The following DNM3 variants were observed in gnomAD, a reference collection of about 807,000 sequenced individuals.
DNM3 encodes dynamin 3.
DNM3 carries 47 observed loss-of-function variants against 101.6 expected under a neutral mutation model. The observed-to-expected ratio is 0.46, with a 90% CI of 0.37 to 0.59. The LOEUF is 0.59. DNM3 is among the 20% of genes least tolerant of loss of function. The pLI, the probability that DNM3 is intolerant of heterozygous loss-of-function variation, is 0.00. For synonymous variants in DNM3, 385 were observed against 387.9 expected, an observed-to-expected ratio of 0.99 and a Z score of 0.09; for missense variants, 849 against 1,085.7, an observed-to-expected ratio of 0.78 and a Z score of 3.06.
chr1:172,108,365 C>T (rs2055221754), intron 13 of DNM3, among the ~76,000 whole-genome samples: 1 of 151,894 alleles, frequency 6.6e-6, no homozygotes, highest in Non-Finnish European at 1.5e-5. Flanking sequence ...TTTTACTTTC[C>T]CTTGGGAGTA....
rs1158209416 is a variant in DNM3 at position 172,044,472 on chromosome 1, C to A, written c.1196+20C>A. 3.1e-6 allele frequency: 5 copies of A among 1,592,196 alleles called. No homozygotes were observed. In the Admixed American group the frequency reaches 8.7e-5, roughly 28 times the overall value. The stretch of plus-strand genomic sequence containing the variant: ...TATCAGGCAAGTGATTCACATTTTT[C>A]TTGTCATCTGTTCAAGCTACCAAAA... On this transcript the variant is annotated intron_variant, in intron 9 of 20. Transcript: ENST00000627582.
intron 4 of DNM3, among the ~76,000 whole-genome samples, chr1:172,009,844 T>C (rs2046995831): frequency 6.6e-6 from 1 of 151,842 alleles, no homozygotes; most frequent in Admixed American, 6.6e-5. Flanking sequence ...ATAGATGTAT[T>C]TTAGGTCAAG....
At chr1:172,195,086 G>A (rs1007015347) in intron 14 of DNM3, among the ~76,000 whole-genome samples, 47 of 151,984 alleles carry the variant, frequency 3.1e-4, no homozygotes, top group African/African-American at 1.0e-3. Flanking sequence ...GCATTTGTTT[G>A]TCTGTAAAGG....
At chr1:172,226,922 A>C (rs530897113) in intron 14 of DNM3, among the ~76,000 whole-genome samples, 3 of 152,090 alleles carry the variant, frequency 2.0e-5, no homozygotes, top group Admixed American at 6.6e-5. Context: ...TTTTTATTTC[A>C]ATAGCTCTGG....
Position 171,841,556 on chromosome 1 carries a change from G to T in DNM3, c.-101G>T. 6.8e-7 allele frequency: 1 copy of T among 1,466,428 alleles called. No homozygotes were observed. The highest frequency in any genetic ancestry group is 9.0e-7 in the Non-Finnish European group (1 of 1,108,314). 90.8% of individuals were successfully genotyped at this position (1,466,428 alleles called of 1,614,324 possible). A position where few individuals can be genotyped will look rare whatever the true frequency, so the allele number is the denominator to read the frequency against. Reference sequence around the variant, plus strand: ...CGTCTGCGCCAGGACCTGGCTGGCTGAGCCCGGCGCAGCAGCAGCAGCCAG... The same window carrying T: ...CGTCTGCGCCAGGACCTGGCTGGCTTAGCCCGGCGCAGCAGCAGCAGCCAG... On this transcript the variant is annotated 5_prime_UTR_variant, in exon 1 of 21. Coordinates refer to ENST00000627582, the MANE Select transcript of DNM3 (RefSeq NM_015569.5).
chr1:171,860,245 T>G (rs796707311), intron 1 of DNM3, among the ~76,000 whole-genome samples: 1 of 152,170 alleles, frequency 6.6e-6, no homozygotes, highest in African/African-American at 2.4e-5. Context: ...TTTAAAAATA[T>G]AACGAATTCA....
chr1:172,350,097 C>T (rs1326755069), intron 17 of DNM3, among the ~76,000 whole-genome samples: 1 of 151,996 alleles, frequency 6.6e-6, no homozygotes, highest in East Asian at 1.9e-4. Flanking sequence ...GTTCTTTTTT[C>T]AAATTATGCA....
At chr1:171,946,141 G>T (rs559835586) in intron 2 of DNM3, among the ~76,000 whole-genome samples, 25 of 152,248 alleles carry the variant, frequency 1.6e-4, no homozygotes, top group African/African-American at 4.8e-4. Flanking sequence ...TTCTTTGTGC[G>T]TTTCAAAGAC....
chr1:172,330,097 C>T (rs749552918), intron 17 of DNM3, among the ~76,000 whole-genome samples: 14 of 152,126 alleles, frequency 9.2e-5, no homozygotes, highest in African/African-American at 1.9e-4. Context: ...CTTGGTTAGG[C>T]GCAAACCTTA....
chr1:172,402,527 C>G, intron 20 of DNM3, among the ~76,000 whole-genome samples: 1 of 152,120 alleles, frequency 6.6e-6, no homozygotes, highest in Non-Finnish European at 1.5e-5. Flanking sequence ...AAATGTCAGT[C>G]TTTGTATATC....
At chr1:171,954,269 G>A (rs892728027) in intron 2 of DNM3, among the ~76,000 whole-genome samples, 1 of 152,072 alleles carries the variant, frequency 6.6e-6, no homozygotes, top group Non-Finnish European at 1.5e-5. Flanking sequence ...TGCTAAATTT[G>A]ACTGATGATT....
At chr1:171,931,512 T>C (rs1031570735) in intron 2 of DNM3, among the ~76,000 whole-genome samples, 1 of 152,234 alleles carries the variant, frequency 6.6e-6, no homozygotes, top group African/African-American at 2.4e-5. Context: ...TCTATGGTTA[T>C]GAAATCTGTA....
chr1:172,372,092 A>G (rs1384813734), intron 17 of DNM3, among the ~76,000 whole-genome samples: 1 of 103,616 alleles, frequency 9.7e-6, no homozygotes, highest in Non-Finnish European at 1.8e-5. Flanking sequence ...CAGTCCCCAG[A>G]GTGTGATGTT....
At chr1:172,061,879 A>T (rs992660954) in intron 10 of DNM3, among the ~76,000 whole-genome samples, 7 of 152,044 alleles carry the variant, frequency 4.6e-5, no homozygotes, top group Non-Finnish European at 1.0e-4. Context: ...AAAAAAGAAA[A>T]TACTTGCATT....
intron 16 of DNM3, among the ~76,000 whole-genome samples, chr1:172,321,480 A>G (rs962718090): frequency 6.6e-6 from 1 of 152,184 alleles, no homozygotes; most frequent in Non-Finnish European, 1.5e-5. Flanking sequence ...AGTGAAGGGA[A>G]TTATAAAGCA....
intron 15 of DNM3, among the ~76,000 whole-genome samples, chr1:172,307,297 G>A (rs573708977): frequency 2.0e-5 from 3 of 152,194 alleles, no homozygotes; most frequent in Admixed American, 2.0e-4. Flanking sequence ...CTGATCATCA[G>A]AGAAATGCAA....
chr1:171,929,090 C>T (rs576879156), intron 2 of DNM3, among the ~76,000 whole-genome samples: 11 of 152,202 alleles, frequency 7.2e-5, no homozygotes, highest in East Asian at 3.9e-4. Context: ...CTTAGAAAAG[C>T]GGTCTGGCTA....
intron 5 of DNM3, 34 bp downstream of exon 5, chr1:172,032,534 T>A: frequency 1.8e-4 from 107 of 607,216 alleles, no homozygotes; most frequent in African/African-American, 7.4e-4. Context: ...GACTTTTTTT[T>A]TTTTTTTTTT....
At chr1:172,024,004 C>G (rs545802253) in intron 4 of DNM3, among the ~76,000 whole-genome samples, 3 of 151,782 alleles carry the variant, frequency 2.0e-5, no homozygotes, top group South Asian at 2.1e-4. Context: ...TTATGGCCTT[C>G]TAATTTTGTT....
Sources: allele counts gnomAD v4.1 joint callset (sites outside exome capture counted in the v4.1 genomes callset), GRCh38; gene constraint gnomAD v4.1.1; transcripts MANE v1.5; gene names NCBI Gene and HGNC (gene_info 2026-07-23, HGNC 2026-07-21).